Variants in ARHGAP12 observed in about 807,000 individuals in gnomAD.
ARHGAP12 encodes the protein rho GTPase-activating protein 12.
A neutral mutation model predicts 108.6 loss-of-function variants in ARHGAP12; 64 were observed. The observed-to-expected ratio is 0.59, with a 90% CI of 0.48 to 0.73. ARHGAP12 has a LOEUF of 0.73. ARHGAP12 is among the 30% of genes least tolerant of loss of function. The pLI, the probability that ARHGAP12 is intolerant of heterozygous loss-of-function variation, is 0.00. For synonymous variants in ARHGAP12, 312 were observed against 337.2 expected (o/e 0.93, Z 0.82); for missense variants, 940 against 1,005.9 (o/e 0.93, Z 0.89).
At position 31,860,345 on chromosome 10, in the gene ARHGAP12, G is replaced by A. The variant is rs180975705; in HGVS notation, c.948+1050C>T. Among the ~76,000 whole-genome samples, 296 of 152,316 alleles carry A rather than the reference G, an allele frequency of 1.9e-3. 1 individual carries two copies. Among genetic ancestry groups the A allele is most frequent in the Middle Eastern group, 0.014 (4 of 294 alleles). Reference sequence around the variant, plus strand: ...TAACAGCCGGATGTCCTATGCAGGTGGAGGGACTCCAACCTACCAAATGGC... The same window carrying A: ...TAACAGCCGGATGTCCTATGCAGGTAGAGGGACTCCAACCTACCAAATGGC... On this transcript the variant is annotated intron_variant, in intron 4 of 19. Transcript: ENST00000344936.
chr10:31,885,805 C>A (rs1323946082), intron 3 of ARHGAP12, among the ~76,000 whole-genome samples: 1 of 145,280 alleles, frequency 6.9e-6, no homozygotes, highest in Non-Finnish European at 1.5e-5. Flanking sequence ...GGTGACAGAG[C>A]GAGACACCAA....
At chr10:31,817,729 TAAAA>T in intron 13 of ARHGAP12, 55 bp downstream of exon 13, 1 of 921,594 alleles carries the variant, frequency 1.1e-6, no homozygotes, top group East Asian at 3.1e-5. Flanking sequence ...AATAAGCAAT[TAAAA>T]AAAAAAAAGA....
chr10:31,818,351 T>C (rs940502044), intron 12 of ARHGAP12, among the ~76,000 whole-genome samples: 2 of 152,148 alleles, frequency 1.3e-5, no homozygotes, highest in East Asian at 1.9e-4. Flanking sequence ...TCCTACTTTG[T>C]AGGTAAATAT....
intron 19 of ARHGAP12, chr10:31,808,400 G>T: frequency 3.6e-6 from 1 of 280,660 alleles, no homozygotes; most frequent in Admixed American, 5.0e-5. Context: ...AACAATTTCT[G>T]AACACCTACT....
At chr10:31,838,439 T>A (rs1836111083) in intron 9 of ARHGAP12, among the ~76,000 whole-genome samples, 1 of 152,082 alleles carries the variant, frequency 6.6e-6, no homozygotes, top group African/African-American at 2.4e-5. Context: ...CCCAGCACTT[T>A]GGGAGGCCAA....
chr10:31,865,893 T>C (rs1261676435), intron 3 of ARHGAP12, among the ~76,000 whole-genome samples: 1 of 138,230 alleles, frequency 7.2e-6, no homozygotes, highest in Admixed American at 7.3e-5. Context: ...AAAAAAAAAA[T>C]CAGGGCTAAA....
chr10:31,886,897 AAAG>A (rs1838209302), intron 3 of ARHGAP12, among the ~76,000 whole-genome samples: 1 of 152,214 alleles, frequency 6.6e-6, no homozygotes, highest in Non-Finnish European at 1.5e-5. Context: ...AAGTTTTTGC[AAAG>A]AATTTTACAC....
intron 4 of ARHGAP12, among the ~76,000 whole-genome samples, chr10:31,859,036 A>C (rs1412728154): frequency 6.6e-6 from 1 of 152,122 alleles, no homozygotes; most frequent in Non-Finnish European, 1.5e-5. Context: ...AAATGCCAGA[A>C]TCTCCTTCTA....
At chr10:31,921,213 G>A (rs1329351779) in intron 1 of ARHGAP12, among the ~76,000 whole-genome samples, 2 of 152,152 alleles carry the variant, frequency 1.3e-5, no homozygotes, top group Admixed American at 1.3e-4. Flanking sequence ...CAGGAGCCCA[G>A]GAAGTCAAGG....
At chr10:31,917,409 A>C (rs1839608298) in intron 1 of ARHGAP12, among the ~76,000 whole-genome samples, 1 of 152,194 alleles carries the variant, frequency 6.6e-6, no homozygotes, top group Non-Finnish European at 1.5e-5. Flanking sequence ...AGTCTCAAAA[A>C]AATAAAAAAG....
At chr10:31,842,729 T>C (rs1250818742) in intron 7 of ARHGAP12, among the ~76,000 whole-genome samples, 2 of 152,112 alleles carry the variant, frequency 1.3e-5, no homozygotes, top group African/African-American at 4.8e-5. Flanking sequence ...GAAAAACTGT[T>C]AGTCATGCTA....
At chr10:31,830,229 T>C (rs1266735257) in intron 10 of ARHGAP12, among the ~76,000 whole-genome samples, 1 of 152,072 alleles carries the variant, frequency 6.6e-6, no homozygotes, top group African/African-American at 2.4e-5. Flanking sequence ...TTTTTAAGCA[T>C]TTAAAGGAGT....
Position 31,814,302 on chromosome 10 carries a change from C to T in ARHGAP12, c.1791G>A (p.Lys597=), listed in dbSNP as rs1347033572. 3.1e-6 allele frequency: 5 copies of T among 1,613,950 alleles called. No individual in the cohort carries two copies. The African/African-American group carries it at 5.3e-5, about 17-fold the overall frequency. The stretch of plus-strand genomic sequence containing the variant: ...CCTTTTGTTCCTTTTCTTTATCATG[C>T]TTTTCTATTCCTGGTGAATCCGGTA... The part of the protein sequence containing the change: ...EEIPDSPGIE[K]HDKEKEQKDP... Residue 597 remains lysine (K), a synonymous_variant, in exon 14 of 20, where the codon AAG becomes AAA. Transcript: ENST00000344936.
Position 31,908,549 on chromosome 10 carries a change from A to C in ARHGAP12, c.307T>G (p.Ser103Ala). Reference sequence around the variant, plus strand: ...GGCAATTTGTTCACATTTTCTGTTGATCTCTGAAGATGCAAACTCTGCATT... The same window carrying C: ...GGCAATTTGTTCACATTTTCTGTTGCTCTCTGAAGATGCAAACTCTGCATT... The part of the protein sequence containing the change: ...KIMQSLHLQR[S>A]TENVNKLPEL... The change falls in exon 3 of 20, where the codon TCA (serine) becomes GCA (alanine). Residue 103 changes from serine to alanine, a missense_variant. Coordinates refer to ENST00000344936, the MANE Select transcript of ARHGAP12 (RefSeq NM_018287.7). 6.2e-7 allele frequency: 1 copy of C among 1,614,122 alleles called. No homozygotes were observed. Among genetic ancestry groups the C allele is most frequent in the Non-Finnish European group, 8.5e-7 (1 of 1,180,030 alleles).
rs1839973100 is a variant in ARHGAP12, at chr10:31,925,008, C to G, written c.-111+3675G>C. ...ACTGATAATTTATAAAACATCCTGT[C>G]TCTGTCTCTCGCTGTGTGACTCTGG... On this transcript the variant is annotated intron_variant, in intron 1 of 19. Transcript: ENST00000344936. 2.0e-5 allele frequency among the ~76,000 whole-genome samples: 3 copies of G among 152,268 alleles called. No homozygotes were observed. The South Asian group carries it at 6.2e-4, about 32-fold the overall frequency.
chr10:31,878,861 G>C (rs1399779661), intron 3 of ARHGAP12, among the ~76,000 whole-genome samples: 2 of 152,148 alleles, frequency 1.3e-5, no homozygotes, highest in African/African-American at 4.8e-5. Flanking sequence ...GCTAGATTTT[G>C]TTAAAACCAT....
At chr10:31,872,011 T>C (rs1837559685) in intron 3 of ARHGAP12, among the ~76,000 whole-genome samples, 1 of 152,218 alleles carries the variant, frequency 6.6e-6, no homozygotes, top group South Asian at 2.1e-4. Flanking sequence ...TCATAGTACT[T>C]ACGACACTAA....
chr10:31,828,126 T>C (rs1248467061), intron 10 of ARHGAP12, among the ~76,000 whole-genome samples: 2 of 152,184 alleles, frequency 1.3e-5, no homozygotes, highest in African/African-American at 4.8e-5. Flanking sequence ...AAATACTACT[T>C]TCATAATGCT....
Position 31,817,902 on chromosome 10 carries a change from G to C in ARHGAP12, c.1633-16C>G, listed in dbSNP as rs1029077525. The C allele has an allele frequency of 6.3e-7, 1 of 1,594,630 alleles. No homozygotes were observed. The highest frequency in any genetic ancestry group is 8.6e-7 in the Non-Finnish European group (1 of 1,166,678). ...GAGTTTTCAGCTTTAGAGAAAAGCA[G>C]GGAGAAAAAAGAGTATGGTCAGTTT... On this transcript the variant is annotated splice_polypyrimidine_tract_variant and intron_variant, in intron 12 of 19. Coordinates refer to ENST00000344936, the MANE Select transcript of ARHGAP12 (RefSeq NM_018287.7).
Sources: allele counts gnomAD v4.1 joint callset (sites outside exome capture counted in the v4.1 genomes callset), GRCh38; gene constraint gnomAD v4.1.1; transcripts MANE v1.5; gene names NCBI Gene and HGNC (gene_info 2026-07-23, HGNC 2026-07-21).